PANK1: variants seen among roughly 807,000 people sequenced by gnomAD.
The protein encoded by PANK1 is pantothenate kinase 1.
Under a neutral mutation model 40.1 loss-of-function variants are expected in PANK1, and 18 were observed. The observed-to-expected ratio is 0.45, with a 90% CI of 0.31 to 0.67. PANK1 has a LOEUF of 0.67. Among genes scored for constraint, PANK1 ranks in the 30% least tolerant of loss-of-function variants. The probability of loss-of-function intolerance (pLI) is 0.06; values close to 1 mark genes in which losing one functional copy is unlikely to be tolerated. For synonymous variants in PANK1, 242 were observed against 237.7 expected, an observed-to-expected ratio of 1.02 and a Z score of -0.17; for missense variants, 457 against 599.6, an observed-to-expected ratio of 0.76 and a Z score of 2.48.
At chr10:89,632,263 G>A (rs1213616611) in intron 1 of PANK1, among the ~76,000 whole-genome samples, 1 of 152,190 alleles carries the variant, frequency 6.6e-6, no homozygotes, top group Non-Finnish European at 1.5e-5. Flanking sequence ...TAAAAACCAT[G>A]AGTCTGAATT....
intron 5 of PANK1, among the ~76,000 whole-genome samples, chr10:89,590,432 C>A: frequency 6.6e-6 from 1 of 151,884 alleles, no homozygotes; most frequent in South Asian, 2.1e-4. Context: ...AAACTTGTAC[C>A]GTTATAACCC....
rs976646134 is a variant in PANK1, at chr10:89,643,917, A to G, written c.292+683T>C. 4 of 1,354,956 alleles carry G rather than the reference A, an allele frequency of 3.0e-6. No individual in the cohort carries two copies. In the Admixed American group the frequency reaches 1.2e-4, roughly 41 times the overall value. The allele number at this position is 1,354,956 out of a possible 1,614,324, so 83.9% of individuals were successfully genotyped here. A position where few individuals can be genotyped will look rare whatever the true frequency, so the allele number is the denominator to read the frequency against. On this transcript the variant is annotated intron_variant, in intron 1 of 6. Transcript: ENST00000307534. ...TTTCTCCGGTGTACATTACAATTAC[A>G]AACCCTCAACTCAACCTCCCCCTTC...
intron 2 of PANK1, 115 bp from the exon 3 acceptor site, chr10:89,599,620 C>T: frequency 9.9e-7 from 1 of 1,014,014 alleles, no homozygotes; most frequent in East Asian, 2.6e-5. Context: ...TGGAGACACC[C>T]TTAAAACAAG....
intron 4 of PANK1, 30 bp downstream of exon 4, chr10:89,593,779 TAATC>T (rs754125162): frequency 1.3e-6 from 2 of 1,548,570 alleles, no homozygotes; most frequent in Non-Finnish European, 1.8e-6. Flanking sequence ...GCCTTGTGTT[TAATC>T]ACTACTGCTC....
chr10:89,584,769 T>C (rs1470213126), intron 6 of PANK1, among the ~76,000 whole-genome samples: 1 of 152,226 alleles, frequency 6.6e-6, no homozygotes, highest in Non-Finnish European at 1.5e-5. Context: ...CTGACTATTA[T>C]TTCACATATG....
chr10:89,623,308 G>A (rs917343767), intron 1 of PANK1, among the ~76,000 whole-genome samples: 10 of 152,070 alleles, frequency 6.6e-5, no homozygotes, highest in Non-Finnish European at 7.4e-5. Flanking sequence ...TGCAAGCTCC[G>A]CCTCCTGGGT....
At chr10:89,588,483 G>A (rs892689154) in intron 6 of PANK1, among the ~76,000 whole-genome samples, 169 bp downstream of exon 6, 5 of 152,132 alleles carry the variant, frequency 3.3e-5, no homozygotes, top group Non-Finnish European at 2.9e-5. Context: ...TGTTGGATAA[G>A]AACGCTTCCA....
At chr10:89,620,853 T>C (rs1174522313) in intron 1 of PANK1, among the ~76,000 whole-genome samples, 3 of 152,208 alleles carry the variant, frequency 2.0e-5, no homozygotes, top group Non-Finnish European at 4.4e-5. Flanking sequence ...ACTCTTTCTC[T>C]TTATTTCTCA....
At chr10:89,597,466 A>G (rs1008529848) in intron 3 of PANK1, among the ~76,000 whole-genome samples, 6 of 152,214 alleles carry the variant, frequency 3.9e-5, no homozygotes, top group Non-Finnish European at 2.9e-5. Context: ...AAGCTTGAAC[A>G]TCCAGACAGA....
intron 1 of PANK1, 63 bp downstream of exon 1, chr10:89,644,537 C>A: frequency 6.9e-7 from 1 of 1,456,838 alleles, no homozygotes; most frequent in Non-Finnish European, 9.2e-7. Context: ...CAGCCGCTCC[C>A]AGTCCCGGGC....
At chr10:89,613,873 C>T (rs936445366) in intron 1 of PANK1, 4 of 423,598 alleles carry the variant, frequency 9.4e-6, no homozygotes, top group African/African-American at 6.2e-5. Context: ...GACTGGGATT[C>T]GGAACATCTG....
intron 5 of PANK1, chr10:89,592,959 A>T (rs993089128): frequency 1.3e-5 from 7 of 552,286 alleles, no homozygotes; most frequent in Admixed American, 1.2e-4. Flanking sequence ...TTGTAATTGT[A>T]TCCTGTTTCC....
chr10:89,611,833 G>C lies in PANK1; in HGVS notation c.508C>G (p.Leu170Val). ...CAGCTGGGAAAGCGGATGAAGTGCA[G>C]GTTCCCTTTGCGTCCACACATGGTC... ...NLTMCGRKGN[L>V]HFIRFPSCAM... The change falls in exon 2 of 7, where the codon CTG becomes GTG. Residue 170 changes from leucine (L) to valine (V), a missense_variant. Leu to Val is a conservative substitution (Grantham distance 32, BLOSUM62 1). Transcript: ENST00000307534. 3.7e-6 allele frequency: 6 copies of C among 1,614,204 alleles called. No individual in the cohort carries two copies. Among genetic ancestry groups the C allele is most frequent in the Non-Finnish European group, 5.1e-6 (6 of 1,180,040 alleles).
At chr10:89,617,332 T>C (rs1845350070) in intron 1 of PANK1, among the ~76,000 whole-genome samples, 1 of 152,230 alleles carries the variant, frequency 6.6e-6, no homozygotes. Flanking sequence ...GGTAAAATGA[T>C]CATGTATGAT....
intron 1 of PANK1, among the ~76,000 whole-genome samples, chr10:89,621,085 T>C (rs1160933732): frequency 6.6e-6 from 1 of 152,220 alleles, no homozygotes; most frequent in African/African-American, 2.4e-5. Flanking sequence ...GTGGATCATC[T>C]GAGGTCAGAA....
chr10:89,587,574 G>C (rs563870640), intron 6 of PANK1, among the ~76,000 whole-genome samples: 38 of 112,154 alleles, frequency 3.4e-4, no homozygotes, highest in African/African-American at 8.8e-4. Context: ...CCACTTTAAG[G>C]AAACAAACTG....
intron 1 of PANK1, among the ~76,000 whole-genome samples, chr10:89,622,004 G>A (rs1224066429): frequency 6.6e-6 from 1 of 152,190 alleles, no homozygotes; most frequent in African/African-American, 2.4e-5. Context: ...ATGAGCCGCT[G>A]CATCTGGCCC....
chr10:89,613,115 A>T (rs919007174), intron 1 of PANK1, among the ~76,000 whole-genome samples: 2 of 152,218 alleles, frequency 1.3e-5, no homozygotes, highest in African/African-American at 4.8e-5. Flanking sequence ...GTCTGACTTT[A>T]TTTAGAGACA....
chr10:89,595,836 ATATATAT>A lies in PANK1; in HGVS notation c.900-1854_900-1848del, dbSNP rs1564620105. ...CATCTTAAAAAAAAAAAAAAAAAAT[ATATATAT>A]ATATATATATATATATATATATATA... On this transcript the variant is annotated intron_variant, in intron 3 of 6. Coordinates refer to ENST00000307534, the MANE Select transcript of PANK1 (RefSeq NM_148977.3). Among the ~76,000 whole-genome samples, 316 of 46,282 alleles carry A rather than the reference ATATATAT, an allele frequency of 6.8e-3. 5 individuals carry two copies. The highest frequency in any genetic ancestry group is 8.8e-3 in the Non-Finnish European group (242 of 27,570). 30.4% of individuals were successfully genotyped at this position (46,282 alleles called of 152,430 possible). A position where few individuals can be genotyped will look rare whatever the true frequency, so the allele number is the denominator to read the frequency against.
Sources: allele counts gnomAD v4.1 joint callset (sites outside exome capture counted in the v4.1 genomes callset), GRCh38; gene constraint gnomAD v4.1.1; transcripts MANE v1.5; gene names NCBI Gene and HGNC (gene_info 2026-07-23, HGNC 2026-07-21).